The following IFT27 variants were observed in gnomAD, a reference collection of about 807,000 sequenced individuals.
IFT27 encodes the protein intraflagellar transport protein 27 homolog.
Under a neutral mutation model 23.9 loss-of-function variants are expected in IFT27, and 19 were observed. The ratio of observed to expected loss-of-function variants is 0.79; its 90% confidence interval spans 0.55 to 1.16. The LOEUF is 1.16. Ranked by LOEUF, IFT27 falls within the 50% of genes most tolerant of loss-of-function variation. The pLI, the probability that IFT27 is intolerant of heterozygous loss-of-function variation, is 0.00. For synonymous variants in IFT27, 91 were observed against 89.1 expected (o/e 1.02, Z -0.12); for missense variants, 206 against 228.7 (o/e 0.90, Z 0.64).
intron 1 of IFT27, among the ~76,000 whole-genome samples, chr22:36,770,664 C>T (rs891406611): frequency 5.3e-5 from 8 of 152,152 alleles, no homozygotes; most frequent in Non-Finnish European, 1.2e-4. Flanking sequence ...CCAGATTCAA[C>T]GGGTCACCTC....
intron 6 of IFT27, chr22:36,761,304 A>G (rs1025487177): frequency 1.3e-5 from 2 of 152,234 alleles, no homozygotes; most frequent in African/African-American, 4.8e-5. Context: ...GGAGGAAGGG[A>G]GAATACTGAA....
intron 5 of IFT27, 152 bp from the exon 6 acceptor site, chr22:36,763,165 G>C: frequency 2.0e-6 from 1 of 498,286 alleles, no homozygotes; most frequent in Non-Finnish European, 3.5e-6. Flanking sequence ...GGAAAGCCGG[G>C]GGTCTCTCGT....
intron 4 of IFT27, among the ~76,000 whole-genome samples, chr22:36,764,719 G>C (rs1938199046): frequency 6.6e-6 from 1 of 152,174 alleles, no homozygotes; most frequent in South Asian, 2.1e-4. Context: ...AACTGGACAG[G>C]GCTCCATGAC....
At chr22:36,767,072 A>G in intron 3 of IFT27, 1 of 383,630 alleles carries the variant, frequency 2.6e-6, no homozygotes, top group Non-Finnish European at 4.8e-6. Context: ...GAACCTTGAT[A>G]GTAGAGAACA....
At chr22:36,765,431 G>A (rs1281791449) in intron 4 of IFT27, among the ~76,000 whole-genome samples, 3 of 152,088 alleles carry the variant, frequency 2.0e-5, no homozygotes, top group Non-Finnish European at 4.4e-5. Flanking sequence ...TGAACGTCGT[G>A]AACCGATGCA....
At chr22:36,759,176 C>G (rs1938011757) in intron 6 of IFT27, 1 of 152,014 alleles carries the variant, frequency 6.6e-6, no homozygotes, top group South Asian at 2.1e-4. Flanking sequence ...TCAGAGGCGC[C>G]CATGGGGCAC....
At chr22:36,767,662 C>T in intron 2 of IFT27, 121 bp downstream of exon 2, 1 of 934,450 alleles carries the variant, frequency 1.1e-6, no homozygotes, top group Non-Finnish European at 1.7e-6. Context: ...TCCACGTGGC[C>T]CTCTGAGCAG....
intron 1 of IFT27, among the ~76,000 whole-genome samples, chr22:36,773,423 G>C (rs536783071): frequency 6.6e-6 from 1 of 151,328 alleles, no homozygotes; most frequent in Admixed American, 6.6e-5. Context: ...AGGCCGAGGC[G>C]GGCAGATCAC....
rs1003400042 is a variant in IFT27, at chr22:36,767,729, G to A, written c.114+54C>T. ...AGGAACTTCGAAGTCACTCATCATG[G>A]TGAACCGAGCACTTCTCTATAAGCT... On this transcript the variant is annotated intron_variant, in intron 2 of 6. Transcript: ENST00000433985. 4.7e-6 allele frequency: 7 copies of A among 1,478,434 alleles called. No homozygotes were observed. The African/African-American group carries it at 9.7e-5, about 20-fold the overall frequency. 91.6% of individuals were successfully genotyped at this position (1,478,434 alleles called of 1,614,324 possible).
intron 4 of IFT27, among the ~76,000 whole-genome samples, chr22:36,765,504 A>G (rs1938221788): frequency 6.7e-6 from 1 of 150,302 alleles, no homozygotes; most frequent in Non-Finnish European, 1.5e-5. Context: ...ACAAAAAAAA[A>G]GGGGCAGAAA....
intron 3 of IFT27, 32 bp from the exon 4 acceptor site, chr22:36,766,229 G>C: frequency 6.3e-7 from 1 of 1,597,178 alleles, no homozygotes; most frequent in South Asian, 1.1e-5. Flanking sequence ...AAGTCTCCAC[G>C]TGGAAAAACC....
chr22:36,758,547 T>C, intron 6 of IFT27, 138 bp from the exon 7 acceptor site: 2 of 648,506 alleles, frequency 3.1e-6, no homozygotes, highest in East Asian at 2.7e-5. Flanking sequence ...GTAGCCACTT[T>C]CATGGATGCC....
chr22:36,774,559 G>C (rs1486718870), intron 1 of IFT27, among the ~76,000 whole-genome samples: 1 of 152,200 alleles, frequency 6.6e-6, no homozygotes, highest in Non-Finnish European at 1.5e-5. Context: ...TGTAATCCCA[G>C]CACTTTGGGA....
chr22:36,771,256 G>A (rs769536833), intron 1 of IFT27, among the ~76,000 whole-genome samples: 4 of 152,126 alleles, frequency 2.6e-5, no homozygotes, highest in Admixed American at 6.5e-5. Context: ...GTTACTACCC[G>A]TGCTGCCTCA....
chr22:36,769,859 T>C (rs739005), intron 1 of IFT27, among the ~76,000 whole-genome samples: 118,315 of 152,122 alleles, frequency 0.78, 46,263 homozygotes, highest in Middle Eastern at 0.91. Context: ...ATGAGATTCC[T>C]CACAGATTTG....
intron 2 of IFT27, 121 bp from the exon 3 acceptor site, chr22:36,767,486 A>T (rs1175716486): frequency 2.3e-6 from 2 of 864,728 alleles, no homozygotes; most frequent in Non-Finnish European, 3.7e-6. Context: ...TTTGTTCTGG[A>T]CTCATTCTTG....
At chr22:36,768,042 C>A in intron 1 of IFT27, 180 bp from the exon 2 acceptor site, 1 of 703,202 alleles carries the variant, frequency 1.4e-6, no homozygotes, top group Non-Finnish European at 2.7e-6. Context: ...GACTGATCTG[C>A]AAACCTCACA....
chr22:36,758,570 A>C (rs569238523), intron 6 of IFT27, 161 bp from the exon 7 acceptor site: 9 of 617,870 alleles, frequency 1.5e-5, no homozygotes, highest in Non-Finnish European at 2.6e-5. Flanking sequence ...TTTTACAAGA[A>C]GGAAACTCAG....
chr22:36,774,174 T>C (rs1466345445), intron 1 of IFT27, among the ~76,000 whole-genome samples: 2 of 152,226 alleles, frequency 1.3e-5, no homozygotes, highest in Non-Finnish European at 2.9e-5. Flanking sequence ...CTGAGAACCA[T>C]TAATTTATTT....
Sources: gnomAD v4.1 joint callset for allele counts (sites outside exome capture counted in the v4.1 genomes callset) on GRCh38, gnomAD v4.1.1 for gene constraint, MANE v1.5 for transcripts, NCBI Gene and HGNC (gene_info 2026-07-23, HGNC 2026-07-21) for gene names.